HEATR6: variants seen among roughly 807,000 people sequenced by gnomAD.
The protein encoded by HEATR6 is HEAT repeat-containing protein 6.
A neutral mutation model predicts 132.8 loss-of-function variants in HEATR6; 106 were observed. The observed-to-expected ratio is 0.80, with a 90% CI of 0.68 to 0.94. HEATR6 has a LOEUF of 0.94. Ranked by LOEUF, HEATR6 falls within the 40% of genes least tolerant of loss-of-function variation. HEATR6 has a pLI of 0.00. For missense variants in HEATR6, 1,339 were observed against 1,425.1 expected, an observed-to-expected ratio of 0.94 and a Z score of 0.97; for synonymous variants, 529 against 537.8, an observed-to-expected ratio of 0.98 and a Z score of 0.23.
Position 60,066,353 on chromosome 17 carries a change from T to G in HEATR6, c.1272A>C (p.Leu424Phe). ...SYQAKVRQGA[L>F]VCFLSTIKSI... ...ATTTTATAGTAGAAAGAAAACAAAC[T>G]AAGGCTCCTTGGCGAACTTTAGCTT... Residue 424 changes from leucine to phenylalanine, a missense_variant, in exon 9 of 20, where the codon TTA (leucine) becomes TTC (phenylalanine). Coordinates refer to ENST00000184956, the MANE Select transcript of HEATR6 (RefSeq NM_022070.5). 2.5e-6 allele frequency: 4 copies of G among 1,612,288 alleles called. No individual in the cohort carries two copies. The highest frequency in any genetic ancestry group is 2.5e-6 in the Non-Finnish European group (3 of 1,179,536).
At chr17:60,075,274 G>A (rs1018761086) in intron 2 of HEATR6, among the ~76,000 whole-genome samples, 3 of 152,292 alleles carry the variant, frequency 2.0e-5, no homozygotes, top group South Asian at 2.1e-4. Flanking sequence ...TGCTGAGGAC[G>A]GTGAAGGGAA....
chr17:60,056,875 G>GA (rs1470950794), intron 12 of HEATR6, among the ~76,000 whole-genome samples, 173 bp downstream of exon 12: 1 of 152,078 alleles, frequency 6.6e-6, no homozygotes, highest in Admixed American at 6.6e-5. Flanking sequence ...TACAACCAAA[G>GA]AACACCTCCC....
At chr17:60,068,910 T>G (rs1008622265) in intron 7 of HEATR6, among the ~76,000 whole-genome samples, 2 of 152,214 alleles carry the variant, frequency 1.3e-5, no homozygotes, top group Non-Finnish European at 2.9e-5. Flanking sequence ...TTATCCATCT[T>G]TGCCTTCTCC....
chr17:60,075,473 T>C (rs2083291593), intron 2 of HEATR6: 1 of 152,224 alleles, frequency 6.6e-6, no homozygotes, highest in South Asian at 2.1e-4. Context: ...TATATTCACA[T>C]ACTCATGTGG....
chr17:60,073,648 G>T, intron 3 of HEATR6, 98 bp downstream of exon 3: 3 of 1,175,864 alleles, frequency 2.6e-6, no homozygotes, highest in Non-Finnish European at 3.7e-6. Flanking sequence ...AATAAGAATT[G>T]CTAGAGATTA....
chr17:60,065,293 G>A (rs1158552297), intron 9 of HEATR6, among the ~76,000 whole-genome samples: 1 of 152,158 alleles, frequency 6.6e-6, no homozygotes, highest in Non-Finnish European at 1.5e-5. Flanking sequence ...GGGTCATCCA[G>A]AAATTTTCTT....
At chr17:60,054,275 GAA>G (rs747492905) in intron 14 of HEATR6, among the ~76,000 whole-genome samples, 1 of 152,246 alleles carries the variant, frequency 6.6e-6, no homozygotes. Flanking sequence ...ATTCAAATGC[GAA>G]GAAGGCTTGG....
intron 11 of HEATR6, among the ~76,000 whole-genome samples, chr17:60,058,377 A>C (rs1906821625): frequency 6.6e-6 from 1 of 152,176 alleles, no homozygotes; most frequent in South Asian, 2.1e-4. Flanking sequence ...TAATGAAAAA[A>C]AGTTACTTGA....
rs140113293 is a variant in HEATR6 at position 60,048,281 on chromosome 17, G to C, written c.2655C>G (p.Asp885Glu). 24 of 1,613,422 alleles carry C rather than the reference G, an allele frequency of 1.5e-5. No homozygotes were observed. The highest frequency in any genetic ancestry group is 2.0e-5 in the Non-Finnish European group (24 of 1,179,598). Residue 885 changes from aspartate to glutamate, a missense_variant, in exon 17 of 20, where the codon GAC becomes GAG. Transcript: ENST00000184956. ...KAAWSLGNLTDTLIVNMETPD... is the reference protein window; with the variant it reads ...KAAWSLGNLTETLIVNMETPD... ...TCACCTACATGTTGACAATCAGAGT[G>C]TCTGTCAGGTTGCCCAGGGACCAGG...
rs1303634712 is a variant in HEATR6 at position 60,049,624 on chromosome 17, A to C, written c.2503T>G (p.Ser835Ala). The change falls in exon 16 of 20, where the codon TCA (serine) becomes GCA (alanine). Residue 835 changes from serine (S) to alanine (A), a missense_variant. By Grantham distance (99) the Ser-to-Ala change is moderately conservative. Coordinates refer to ENST00000184956, the MANE Select transcript of HEATR6 (RefSeq NM_022070.5). ...SKNRLVKAAT[S>A]RALGVYVLFP... Reference sequence around the variant, plus strand: ...AGCACATAGACTCCCAGGGCCCGTGAAGTTGCAGCTTTCACTAAGCGATTC... The same window carrying C: ...AGCACATAGACTCCCAGGGCCCGTGCAGTTGCAGCTTTCACTAAGCGATTC... 1.9e-6 allele frequency: 3 copies of C among 1,614,012 alleles called. No individual in the cohort carries two copies. Among genetic ancestry groups the C allele is most frequent in the Non-Finnish European group, 2.5e-6 (3 of 1,179,866 alleles).
At chr17:60,068,071 T>G (rs544008746) in intron 7 of HEATR6, among the ~76,000 whole-genome samples, 31 of 152,300 alleles carry the variant, frequency 2.0e-4, no homozygotes, top group Non-Finnish European at 3.8e-4. Flanking sequence ...GGCTAATACC[T>G]CCTACCTTGC....
In HEATR6 at chr17:60,078,846, G is replaced by A; in HGVS notation, c.69C>T (p.Ile23=). ...VQPREAPREA[I]PERGNGFRLL... is the part of the protein sequence containing the mutation. ...GGCGAAACCCATTGCCTCGCTCAGGGATTGCTTCCCGCGGTGCCTCCCGCG... is the reference window on the plus strand; with the variant it reads ...GGCGAAACCCATTGCCTCGCTCAGGAATTGCTTCCCGCGGTGCCTCCCGCG... Residue 23 remains isoleucine (I), a synonymous_variant, in exon 1 of 20, where the codon ATC becomes ATT. Coordinates refer to ENST00000184956, the MANE Select transcript of HEATR6 (RefSeq NM_022070.5). 1.9e-6 allele frequency: 3 copies of A among 1,608,588 alleles called. No homozygotes were observed. Among genetic ancestry groups the A allele is most frequent in the Non-Finnish European group, 2.5e-6 (3 of 1,178,938 alleles).
intron 8 of HEATR6, among the ~76,000 whole-genome samples, chr17:60,067,197 G>A (rs941440827): frequency 6.7e-6 from 1 of 149,612 alleles, no homozygotes; most frequent in African/African-American, 2.5e-5. Flanking sequence ...GTGAACCCGG[G>A]AGGCGGAGCT....
At chr17:60,054,221 G>C (rs1451794724) in intron 14 of HEATR6, among the ~76,000 whole-genome samples, 1 of 152,264 alleles carries the variant, frequency 6.6e-6, no homozygotes, top group African/African-American at 2.4e-5. Context: ...CAGGCTGTAA[G>C]CCTTAGCAGT....
intron 18 of HEATR6, among the ~76,000 whole-genome samples, chr17:60,047,108 T>C (rs1179786642): frequency 6.6e-6 from 1 of 152,178 alleles, no homozygotes; most frequent in Non-Finnish European, 1.5e-5. Flanking sequence ...CTGATATTTT[T>C]CAGGAGGCAG....
intron 18 of HEATR6, 88 bp from the exon 19 acceptor site, chr17:60,046,317 G>A (rs1906366342): frequency 1.0e-6 from 1 of 985,254 alleles, no homozygotes; most frequent in African/African-American, 1.6e-5. Context: ...AACCCAGGAG[G>A]TCTTCAACTT....
rs1906239240 is a variant in HEATR6, at chr17:60,043,148, C to T, written c.*415G>A. 4.1e-6 allele frequency: 1 copy of T among 244,266 alleles called. No individual in the cohort carries two copies. Among genetic ancestry groups the T allele is most frequent in the Non-Finnish European group, 8.1e-6 (1 of 122,740 alleles). 15.1% of individuals were successfully genotyped at this position (244,266 alleles called of 1,614,324 possible). A position where few individuals can be genotyped will look rare whatever the true frequency, so the allele number is the denominator to read the frequency against. On this transcript the variant is annotated 3_prime_UTR_variant, in exon 20 of 20. Transcript: ENST00000184956. Reference sequence around the variant, plus strand: ...GGCTGAACTGCAGCTCTGCTTGCAGCTTGCTAGAAATACAACTTGGTAACA... The same window carrying T: ...GGCTGAACTGCAGCTCTGCTTGCAGTTTGCTAGAAATACAACTTGGTAACA...
chr17:60,075,290 A>G (rs1004221104), intron 2 of HEATR6, among the ~76,000 whole-genome samples: 2 of 152,164 alleles, frequency 1.3e-5, no homozygotes, highest in African/African-American at 4.8e-5. Context: ...GGGAAAGATG[A>G]GCCTCTTATT....
rs1598911962 is a variant in HEATR6, at chr17:60,059,949, A to T, written c.1564T>A (p.Cys522Ser). The change falls in exon 10 of 20, where the codon TGT becomes AGT. Residue 522 changes from cysteine (C) to serine (S), a missense_variant. Coordinates refer to ENST00000184956, the MANE Select transcript of HEATR6 (RefSeq NM_022070.5). ...IACSIRELHRCLLLALVAESS... is the reference protein window; with the variant it reads ...IACSIRELHRSLLLALVAESS... The stretch of plus-strand genomic sequence containing the variant: ...TCCGCCACCAAAGCTAACAAAAGAC[A>T]TCTGTGCAACTCTCTAATGCTGCAA... The T allele has an allele frequency of 6.2e-7, 1 of 1,613,922 alleles. No individual in the cohort carries two copies. The highest frequency in any genetic ancestry group is 2.2e-5 in the East Asian group (1 of 44,882).
Sources: gnomAD v4.1 joint callset for allele counts (sites outside exome capture counted in the v4.1 genomes callset) on GRCh38, gnomAD v4.1.1 for gene constraint, MANE v1.5 for transcripts, NCBI Gene and HGNC (gene_info 2026-07-23, HGNC 2026-07-21) for gene names.